Variants in ACTN1 observed in about 807,000 individuals in gnomAD.
ACTN1 encodes actinin alpha 1.
In ACTN1, 30 loss-of-function variants were observed where a neutral mutation model predicts 119.6. That is an observed-to-expected ratio of 0.25 (90% CI 0.19 to 0.34). The LOEUF is 0.34. ACTN1 is among the 10% of genes least tolerant of loss of function. The pLI, the probability that ACTN1 is intolerant of heterozygous loss-of-function variation, is 1.00. For missense variants in ACTN1, 764 were observed against 1,223.4 expected (o/e 0.62, Z 5.60); for synonymous variants, 429 against 472.6 (o/e 0.91, Z 1.20).
intron 7 of ACTN1, 114 bp downstream of exon 7, chr14:68,904,541 C>A (rs2033547776): frequency 9.2e-6 from 8 of 865,102 alleles, no homozygotes; most frequent in Non-Finnish European, 1.5e-5. Context: ...AATGCGGTCC[C>A]AGAAGACCAG....
In ACTN1 at chr14:68,978,885, C is replaced by T; in HGVS notation, c.105+67G>A. 2.6e-6 allele frequency: 3 copies of T among 1,147,180 alleles called. No individual in the cohort carries two copies. The South Asian group carries it at 4.5e-5, about 17-fold the overall frequency. 71.1% of individuals were successfully genotyped at this position (1,147,180 alleles called of 1,614,324 possible). A position where few individuals can be genotyped will look rare whatever the true frequency, so the allele number is the denominator to read the frequency against. ...TCAGAGCCCGGAGCCGAGAGCCCGGCAGGCAGAGCGGGTCGGGGCTGGGGG... is the reference window on the plus strand; with the variant it reads ...TCAGAGCCCGGAGCCGAGAGCCCGGTAGGCAGAGCGGGTCGGGGCTGGGGG... On this transcript the variant is annotated intron_variant, in intron 1 of 21. Coordinates refer to ENST00000394419, the MANE Select transcript of ACTN1 (RefSeq NM_001130004.2).
At chr14:68,964,123 G>T (rs544945258) in intron 1 of ACTN1, among the ~76,000 whole-genome samples, 1 of 152,226 alleles carries the variant, frequency 6.6e-6, no homozygotes, top group African/African-American at 2.4e-5. Context: ...AGCAAATAAG[G>T]GGCTCCAGCA....
intron 6 of ACTN1, among the ~76,000 whole-genome samples, chr14:68,908,858 A>C (rs141819487): frequency 1.2e-3 from 190 of 152,354 alleles, no homozygotes; most frequent in African/African-American, 4.2e-3. Flanking sequence ...CCCCCAGCCA[A>C]ACTTGAGCAA....
At chr14:68,893,919 GC>G (rs2140171822) in intron 8 of ACTN1, among the ~76,000 whole-genome samples, 172 bp from the exon 9 acceptor site, 1 of 152,218 alleles carries the variant, frequency 6.6e-6, no homozygotes, top group African/African-American at 2.4e-5. Flanking sequence ...CTCCTTGCCA[GC>G]CCATGGCCAG....
Position 68,882,645 on chromosome 14 carries a change from G to A in ACTN1, c.1819-53C>T. ...CAGGATGGGTCAGCCATCTGTCCAT[G>A]TGCCAGATGAGGAAATGGAGGACCC... On this transcript the variant is annotated intron_variant, in intron 15 of 21. Transcript: ENST00000394419. The surrounding 1 kb of genome is among the most constrained non-coding windows in gnomAD (Gnocchi z 4.5). The A allele has an allele frequency of 6.2e-7, 1 of 1,606,574 alleles. No individual in the cohort carries two copies.
At position 68,902,618 on chromosome 14, in the gene ACTN1, C is replaced by A. The variant is rs190810070; in HGVS notation, c.677-56G>T. On this transcript the variant is annotated intron_variant, in intron 7 of 21. Transcript: ENST00000394419. ...CTGGTTCCAAGAACACCATACACCCCCGACGTGAGGCAGAAAGAAGCTCGC... is the reference window on the plus strand; with the variant it reads ...CTGGTTCCAAGAACACCATACACCCACGACGTGAGGCAGAAAGAAGCTCGC... 4.8e-6 allele frequency: 7 copies of A among 1,462,084 alleles called. No homozygotes were observed. In the African/African-American group the frequency reaches 7.0e-5, roughly 15 times the overall value. The allele number at this position is 1,462,084 out of a possible 1,614,324, so 90.6% of individuals were successfully genotyped here.
intron 1 of ACTN1, among the ~76,000 whole-genome samples, chr14:68,962,596 A>G (rs2268968): frequency 0.25 from 37,908 of 152,124 alleles, 5,142 homozygotes; most frequent in African/African-American, 0.33. Context: ...ATTTAAGACC[A>G]TGAAACTCTC....
At chr14:68,943,076 C>G (rs1341412610) in intron 1 of ACTN1, among the ~76,000 whole-genome samples, 3 of 152,134 alleles carry the variant, frequency 2.0e-5, no homozygotes, top group African/African-American at 7.2e-5. Context: ...TCACCCAGGC[C>G]CAGGACAATG....
chr14:68,901,483 A>G (rs568911799), intron 8 of ACTN1, among the ~76,000 whole-genome samples: 3 of 152,136 alleles, frequency 2.0e-5, no homozygotes, highest in Non-Finnish European at 4.4e-5. Flanking sequence ...CCTGGCCTCA[A>G]GTGATCCGCC....
chr14:68,926,170 G>C (rs927220044), intron 1 of ACTN1, among the ~76,000 whole-genome samples: 1 of 152,178 alleles, frequency 6.6e-6, no homozygotes, highest in Admixed American at 6.5e-5. Flanking sequence ...GTTTTGCTGA[G>C]AACAGAATTC....
intron 7 of ACTN1, 125 bp from the exon 8 acceptor site, chr14:68,902,687 A>C (rs1594786802): frequency 1.0e-4 from 79 of 753,332 alleles, no homozygotes; most frequent in East Asian, 2.9e-5. Flanking sequence ...CCCGAATCTA[A>C]CCAGCCTCTG....
chr14:68,902,305 C>A (rs542291664), intron 8 of ACTN1, among the ~76,000 whole-genome samples, 172 bp downstream of exon 8: 1 of 152,066 alleles, frequency 6.6e-6, no homozygotes, highest in Non-Finnish European at 1.5e-5. Context: ...TGGGGTGGGA[C>A]GGGAGCCAGG....
chr14:68,924,116 G>A (rs2034791675), intron 2 of ACTN1, among the ~76,000 whole-genome samples: 1 of 152,154 alleles, frequency 6.6e-6, no homozygotes, highest in Admixed American at 6.5e-5. Context: ...GGAGGGCCGG[G>A]GGGAGCGGCG....
intron 3 of ACTN1, among the ~76,000 whole-genome samples, chr14:68,915,479 G>C (rs1198395367): frequency 6.6e-6 from 1 of 152,146 alleles, no homozygotes; most frequent in Non-Finnish European, 1.5e-5. Context: ...TTCCCCTCTA[G>C]AATGTAAGCC....
In ACTN1 at chr14:68,925,320, T is replaced by C. The variant is rs1438075349; in HGVS notation, c.220+238A>G. On this transcript the variant is annotated intron_variant, in intron 2 of 21. Coordinates refer to ENST00000394419, the MANE Select transcript of ACTN1 (RefSeq NM_001130004.2). This position sits in a 1 kb window ranked among gnomAD's most constrained non-coding sequence, Gnocchi z 4.3. ...AGGAACCTCAGTTCCTTCAAACCCT[T>C]TTTTTTTTTTTTTTTTTTTTTAAAA... 7.7e-5 allele frequency among the ~76,000 whole-genome samples: 6 copies of C among 77,958 alleles called. No homozygotes were observed. The highest frequency in any genetic ancestry group is 2.9e-4 in the African/African-American group (5 of 17,218). 51.1% of individuals were successfully genotyped at this position (77,958 alleles called of 152,430 possible).
At position 68,962,583 on chromosome 14, in the gene ACTN1, C is replaced by A. The variant is rs370296186; in HGVS notation, c.105+16369G>T. The stretch of plus-strand genomic sequence containing the variant: ...TGCTTCCAACCTGAGACTACTTCAA[C>A]ACATTTAAGACCATGAAACTCTCGC... On this transcript the variant is annotated intron_variant, in intron 1 of 21. Coordinates refer to ENST00000394419, the MANE Select transcript of ACTN1 (RefSeq NM_001130004.2). 5.9e-5 allele frequency among the ~76,000 whole-genome samples: 9 copies of A among 152,358 alleles called. 1 individual carries two copies. The East Asian group carries it at 1.7e-3, about 29-fold the overall frequency.
chr14:68,941,799 T>C (rs1226740416), intron 1 of ACTN1, among the ~76,000 whole-genome samples: 2 of 152,142 alleles, frequency 1.3e-5, no homozygotes, highest in South Asian at 2.1e-4. Context: ...CAAGGGATCA[T>C]GGGGGACACC....
rs2031887836 is a variant in ACTN1, at chr14:68,885,127, C to A, written c.1386-244G>T. Among the ~76,000 whole-genome samples, 2 of 152,174 alleles carry A rather than the reference C, an allele frequency of 1.3e-5. No homozygotes were observed. The highest frequency in any genetic ancestry group is 2.1e-4 in the South Asian group (1 of 4,826). Reference sequence around the variant, plus strand: ...GTGACACCAGCCTTCACCTCAATGGCCAATGGCAGGGAGCCCTCGAGGCCC... The same window carrying A: ...GTGACACCAGCCTTCACCTCAATGGACAATGGCAGGGAGCCCTCGAGGCCC... On this transcript the variant is annotated intron_variant, in intron 12 of 21. Transcript: ENST00000394419. This position sits in a 1 kb window ranked among gnomAD's most constrained non-coding sequence, Gnocchi z 5.6.
intron 4 of ACTN1, among the ~76,000 whole-genome samples, chr14:68,910,815 G>T (rs1048959103): frequency 1.3e-5 from 2 of 152,170 alleles, no homozygotes; most frequent in African/African-American, 4.8e-5. Context: ...GTCTCACGAG[G>T]TCTGATGGTT....
Sources: allele counts gnomAD v4.1 joint callset (sites outside exome capture counted in the v4.1 genomes callset), GRCh38; gene constraint gnomAD v4.1.1; non-coding constraint Gnocchi (gnomAD v3.1); transcripts MANE v1.5; gene names NCBI Gene and HGNC (gene_info 2026-07-23, HGNC 2026-07-21).